The following TF variants were observed in gnomAD, a reference collection of about 807,000 sequenced individuals.
The protein encoded by TF is transferrin.
In TF, 55 loss-of-function variants were observed where a neutral mutation model predicts 82.4. The observed-to-expected ratio is 0.67, with a 90% CI of 0.54 to 0.84. The LOEUF (loss-of-function observed/expected upper bound fraction) is 0.84. Among genes scored for constraint, TF ranks in the 40% least tolerant of loss-of-function variants. TF has a pLI of 0.00. For missense variants in TF, 737 were observed against 868.4 expected (o/e 0.85, Z 1.90); for synonymous variants, 332 against 332.6 (o/e 1.00, Z 0.02).
At chr3:133,770,064 T>C (rs924549521) in intron 13 of TF, among the ~76,000 whole-genome samples, 33 of 152,186 alleles carry the variant, frequency 2.2e-4, no homozygotes, top group African/African-American at 8.0e-4. Flanking sequence ...CCATAAATGT[T>C]AAAATTCTTT....
At chr3:133,715,368 G>T in the TF span, among the ~76,000 whole-genome samples, 1 of 152,076 alleles carries the variant, frequency 6.6e-6, no homozygotes, top group Non-Finnish European at 1.5e-5. Context: ...CCTAGTCACT[G>T]CCTTCCCTCC....
At chr3:133,764,400 A>G in intron 10 of TF, 125 bp downstream of exon 10, 2 of 806,764 alleles carry the variant, frequency 2.5e-6, no homozygotes, top group Non-Finnish European at 2.1e-6. Flanking sequence ...AGCACCTCCT[A>G]CTTTGCAAGC....
At chr3:133,746,564 C>T (rs1223328553) in intron 1 of TF, 81 bp downstream of exon 1, 2 of 1,458,822 alleles carry the variant, frequency 1.4e-6, no homozygotes, top group South Asian at 1.2e-5. Context: ...GCGCAGCCTG[C>T]ATGCACTCCG....
intron 15 of TF, 26 bp downstream of exon 15, chr3:133,775,643 C>T: frequency 1.2e-6 from 2 of 1,612,322 alleles, no homozygotes; most frequent in South Asian, 2.2e-5. Context: ...GTCCTCCCAC[C>T]TTTTCTTCCT....
the TF span, among the ~76,000 whole-genome samples, chr3:133,729,112 G>T: frequency 1.1e-4 from 16 of 152,286 alleles, no homozygotes; most frequent in South Asian, 2.1e-4. Context: ...GGGGTCAGAG[G>T]GGTCACTTGA....
At position 133,766,341 on chromosome 3, in the gene TF, G is replaced by T; in HGVS notation, c.1394G>T (p.Gly465Val). The T allele has an allele frequency of 6.2e-7, 1 of 1,614,214 alleles. No individual in the cohort carries two copies. Among genetic ancestry groups the T allele is most frequent in the Non-Finnish European group, 8.5e-7 (1 of 1,180,026 alleles). ...GACCTCACCTGGGACAATCTGAAAG[G>T]CAAGAAGTCCTGCCATACGGCAGTT... Reference protein sequence around the residue: ...ASDLTWDNLKGKKSCHTAVGR... With the variant: ...ASDLTWDNLKVKKSCHTAVGR... The change falls in exon 12 of 17, where the codon GGC (glycine) becomes GTC (valine). Residue 465 changes from glycine (G) to valine (V), a missense_variant. Transcript: ENST00000402696.
At chr3:133,696,958 A>C in the TF span, among the ~76,000 whole-genome samples, 1 of 152,342 alleles carries the variant, frequency 6.6e-6, no homozygotes, top group Admixed American at 6.5e-5. Context: ...TTTGAAATAC[A>C]TGTATATATT....
upstream of TF, among the ~76,000 whole-genome samples, chr3:133,742,392 C>G (rs1933408912): frequency 6.6e-6 from 1 of 152,028 alleles, no homozygotes; most frequent in South Asian, 2.1e-4. Flanking sequence ...CCTTGAGAAT[C>G]TTCATTGTCC....
chr3:133,778,515 C>T lies in TF; in HGVS notation c.2063-71C>T. 3 of 1,542,496 alleles carry T rather than the reference C, an allele frequency of 1.9e-6. No homozygotes were observed. In the South Asian group the frequency reaches 3.4e-5, roughly 17 times the overall value. Reference sequence around the variant, plus strand: ...CACTTTGTACTATGCTGAAATTGTTCAATCACTCGACAGTTCAGAAATAAA... The same window carrying T: ...CACTTTGTACTATGCTGAAATTGTTTAATCACTCGACAGTTCAGAAATAAA... On this transcript the variant is annotated intron_variant, in intron 16 of 16. Transcript: ENST00000402696.
At chr3:133,711,031 C>T in the TF span, among the ~76,000 whole-genome samples, 4 of 152,234 alleles carry the variant, frequency 2.6e-5, no homozygotes, top group African/African-American at 9.6e-5. Context: ...GCAGCATTTC[C>T]TCATTTCGCC....
chr3:133,679,185 T>C, the TF span, among the ~76,000 whole-genome samples: 1 of 152,238 alleles, frequency 6.6e-6, no homozygotes, highest in Admixed American at 6.5e-5. Flanking sequence ...CAGCTAACTT[T>C]TAATTTTTTA....
At chr3:133,733,727 C>T in the TF span, among the ~76,000 whole-genome samples, 3 of 152,152 alleles carry the variant, frequency 2.0e-5, no homozygotes, top group Non-Finnish European at 4.4e-5. Flanking sequence ...ATCTCTGCTC[C>T]GTTATTCCTC....
At chr3:133,729,846 A>AT in the TF span, among the ~76,000 whole-genome samples, 4 of 150,906 alleles carry the variant, frequency 2.7e-5, no homozygotes, top group Non-Finnish European at 5.9e-5. Flanking sequence ...CTCTTTGTTG[A>AT]TTTTTTTCAT....
chr3:133,765,739 T>C (rs1250608989), intron 11 of TF, among the ~76,000 whole-genome samples: 1 of 152,240 alleles, frequency 6.6e-6, no homozygotes, highest in African/African-American at 2.4e-5. Flanking sequence ...TGATGTTCTA[T>C]TTCCCATTTT....
chr3:133,669,190 C>T, the TF span, among the ~76,000 whole-genome samples: 3 of 151,850 alleles, frequency 2.0e-5, no homozygotes, highest in East Asian at 3.9e-4. Context: ...TTAGTAGAGA[C>T]GGGGTTTCAC....
upstream of TF, among the ~76,000 whole-genome samples, chr3:133,743,918 A>T (rs1483226015): frequency 6.6e-6 from 1 of 152,094 alleles, no homozygotes; most frequent in Non-Finnish European, 1.5e-5. Flanking sequence ...ACCCCTGCCT[A>T]CCCCATCCAA....
rs959492321 is a variant in TF, at chr3:133,786,726, A to T, written c.*8106A>T. On this transcript the variant is annotated 3_prime_UTR_variant, in exon 17 of 17. Coordinates refer to ENST00000402696, the MANE Select transcript of TF (RefSeq NM_001063.4). Reference sequence around the variant, plus strand: ...GCCCAGTGGGTTGATGGAGATGGGAAGGTGTAGGCCAGAATGTTCATACTT... The same window carrying T: ...GCCCAGTGGGTTGATGGAGATGGGATGGTGTAGGCCAGAATGTTCATACTT... 2 of 152,252 alleles carry T rather than the reference A, an allele frequency of 1.3e-5. No individual in the cohort carries two copies. The highest frequency in any genetic ancestry group is 4.8e-5 in the African/African-American group (2 of 41,464). 9.4% of individuals were successfully genotyped at this position (152,252 alleles called of 1,614,324 possible). A position where few individuals can be genotyped will look rare whatever the true frequency, so the allele number is the denominator to read the frequency against.
At position 133,760,857 on chromosome 3, in the gene TF, A is replaced by G. The variant is rs185977269; in HGVS notation, c.1203+1528A>G. ...TCATGCATAACATTTAGTTCATAAAATTATATGCTACTTTAGGAGGTCCAG... is the reference window on the plus strand; with the variant it reads ...TCATGCATAACATTTAGTTCATAAAGTTATATGCTACTTTAGGAGGTCCAG... On this transcript the variant is annotated intron_variant, in intron 9 of 16. Transcript: ENST00000402696. 408 of 153,168 alleles carry G rather than the reference A, an allele frequency of 2.7e-3. 5 individuals are homozygous for G. The highest frequency in any genetic ancestry group is 2.3e-3 in the Non-Finnish European group (156 of 68,290). The allele number at this position is 153,168 out of a possible 1,614,324, so 9.5% of individuals were successfully genotyped here.
chr3:133,677,976 C>T, the TF span, among the ~76,000 whole-genome samples: 1 of 152,194 alleles, frequency 6.6e-6, no homozygotes, highest in East Asian at 1.9e-4. Flanking sequence ...CCGTCATCTA[C>T]ATTAGGTTTT....
Sources: gnomAD v4.1 joint callset for allele counts (sites outside exome capture counted in the v4.1 genomes callset) on GRCh38, gnomAD v4.1.1 for gene constraint, MANE v1.5 for transcripts, NCBI Gene and HGNC (gene_info 2026-07-23, HGNC 2026-07-21) for gene names.